Variants in RANBP2 observed in about 807,000 individuals in gnomAD.
RANBP2 encodes the protein E3 SUMO-protein ligase RanBP2.
RANBP2 carries 57 observed loss-of-function variants against 303.6 expected under a neutral mutation model. The ratio of observed to expected loss-of-function variants is 0.19; its 90% confidence interval spans 0.15 to 0.23. The LOEUF is 0.23. Ranked by LOEUF, RANBP2 falls within the 10% of genes least tolerant of loss-of-function variation. The probability of loss-of-function intolerance (pLI) is 1.00; values close to 1 mark genes in which losing one functional copy is unlikely to be tolerated. For missense variants in RANBP2, 3,138 were observed against 3,780.8 expected (o/e 0.83, Z 4.46); for synonymous variants, 1,167 against 1,301.5 (o/e 0.90, Z 2.23).
At chr2:109,579,443 G>C in the RANBP2 span, among the ~76,000 whole-genome samples, 5 of 151,024 alleles carry the variant, frequency 3.3e-5, no homozygotes, top group African/African-American at 1.2e-4. Context: ...GAGTGTAATG[G>C]CCCAATCTTG....
chr2:109,672,995 A>T, the RANBP2 span, among the ~76,000 whole-genome samples: 12 of 152,348 alleles, frequency 7.9e-5, no homozygotes, highest in Non-Finnish European at 1.6e-4. Context: ...CTTGAGATTC[A>T]GAAATAATAA....
chr2:109,617,120 A>G, the RANBP2 span: 2 of 166,820 alleles, frequency 1.2e-5, no homozygotes, highest in Admixed American at 1.3e-4. Flanking sequence ...TGTAAGGTAC[A>G]CTTTTTATTT....
the RANBP2 span, among the ~76,000 whole-genome samples, chr2:109,099,001 G>T: frequency 1.3e-5 from 2 of 152,238 alleles, no homozygotes. Context: ...CTCACAAAGG[G>T]TTGCAGCCTG....
the RANBP2 span, among the ~76,000 whole-genome samples, chr2:109,687,650 C>T: frequency 5.9e-5 from 9 of 152,194 alleles, no homozygotes; most frequent in Non-Finnish European, 1.3e-4. Context: ...AAATCCACAC[C>T]TGCTCTGTAG....
chr2:109,590,917 C>T, the RANBP2 span, among the ~76,000 whole-genome samples: 1 of 152,272 alleles, frequency 6.6e-6, no homozygotes, highest in East Asian at 1.9e-4. Context: ...AGGAAAGCCT[C>T]CAGATAAGAA....
intron 15 of RANBP2, 135 bp downstream of exon 15, chr2:108,754,106 G>A: frequency 1.3e-6 from 2 of 1,592,570 alleles, no homozygotes; most frequent in Non-Finnish European, 1.7e-6. Flanking sequence ...GGATATGTGT[G>A]TCTAAATGCT....
At chr2:108,829,156 A>G in the RANBP2 span, among the ~76,000 whole-genome samples, 34 of 152,210 alleles carry the variant, frequency 2.2e-4, no homozygotes, top group African/African-American at 8.0e-4. Flanking sequence ...CTTCATCAAA[A>G]TTAAAAATGT....
the RANBP2 span, among the ~76,000 whole-genome samples, chr2:109,004,782 C>T: frequency 1.3e-3 from 195 of 152,232 alleles, no homozygotes; most frequent in African/African-American, 4.4e-3. Context: ...TTTAAATCTG[C>T]GGAGCCTATC....
At chr2:108,846,947 A>C in the RANBP2 span, 1 of 1,359,614 alleles carries the variant, frequency 7.4e-7, no homozygotes, top group Non-Finnish European at 1.0e-6. Flanking sequence ...TTTCAATTGT[A>C]CTTATGGTTA....
At chr2:109,283,574 G>T in the RANBP2 span, among the ~76,000 whole-genome samples, 1 of 152,176 alleles carries the variant, frequency 6.6e-6, no homozygotes, top group South Asian at 2.1e-4. Context: ...CAGGATGGGG[G>T]CACACTTCAG....
chr2:109,645,190 C>T, the RANBP2 span, among the ~76,000 whole-genome samples: 12 of 152,332 alleles, frequency 7.9e-5, no homozygotes, highest in East Asian at 7.7e-4. Flanking sequence ...AATTCCTTGA[C>T]GGCTGTTGTG....
At chr2:109,580,936 T>C in the RANBP2 span, among the ~76,000 whole-genome samples, 2 of 152,084 alleles carry the variant, frequency 1.3e-5, no homozygotes, top group Non-Finnish European at 2.9e-5. Flanking sequence ...AAAAGCAACA[T>C]CTGTAGGTTG....
the RANBP2 span, among the ~76,000 whole-genome samples, chr2:108,798,854 T>C: frequency 1.5e-4 from 15 of 97,872 alleles, no homozygotes; most frequent in East Asian, 2.3e-3. Context: ...CACACACACA[T>C]TTTTTCTGAT....
chr2:108,988,458 G>A, the RANBP2 span, among the ~76,000 whole-genome samples: 5,776 of 151,660 alleles, frequency 0.038, 180 homozygotes, highest in Middle Eastern at 0.085. Flanking sequence ...CCGCTCCCCC[G>A]CCACCAACAC....
chr2:109,613,109 T>C, the RANBP2 span: 1 of 1,131,824 alleles, frequency 8.8e-7, no homozygotes, highest in Non-Finnish European at 1.2e-6. Flanking sequence ...GATCACTCCA[T>C]ACCATGTAGC....
the RANBP2 span, chr2:108,910,772 A>C: frequency 6.2e-7 from 1 of 1,612,824 alleles, no homozygotes. Flanking sequence ...CCTGGTTCAC[A>C]GACCTGGGGC....
chr2:108,762,214 A>C lies in RANBP2; in HGVS notation c.2697+19A>C, dbSNP rs770023583. ...CACAAAGGTAACAAAGGAATAATTT[A>C]TACATTTATAATTATTTCCTTTTTA... On this transcript the variant is annotated intron_variant, in intron 19 of 28. Transcript: ENST00000283195. 1 of 1,550,256 alleles carries C rather than the reference A, an allele frequency of 6.5e-7. No individual in the cohort carries two copies. The highest frequency in any genetic ancestry group is 8.6e-7 in the Non-Finnish European group (1 of 1,157,924).
chr2:109,419,303 G>C, the RANBP2 span, among the ~76,000 whole-genome samples: 1 of 152,176 alleles, frequency 6.6e-6, no homozygotes, highest in African/African-American at 2.4e-5. Context: ...GATGCAGGCC[G>C]TAGAAGGCTC....
At chr2:109,289,629 A>C in the RANBP2 span, among the ~76,000 whole-genome samples, 1 of 152,142 alleles carries the variant, frequency 6.6e-6, no homozygotes, top group Non-Finnish European at 1.5e-5. Flanking sequence ...ATCACGTGGA[A>C]AGCTATGTTG....
Sources: gnomAD v4.1 joint callset for allele counts (sites outside exome capture counted in the v4.1 genomes callset) on GRCh38, gnomAD v4.1.1 for gene constraint, MANE v1.5 for transcripts, NCBI Gene and HGNC (gene_info 2026-07-23, HGNC 2026-07-21) for gene names.